DLG2: variants seen among roughly 807,000 people sequenced by gnomAD.
The protein encoded by DLG2 is discs large MAGUK scaffold protein 2.
DLG2 carries 45 observed loss-of-function variants against 132.5 expected under a neutral mutation model. That is an observed-to-expected ratio of 0.34 (90% CI 0.27 to 0.44). The LOEUF (loss-of-function observed/expected upper bound fraction) is 0.44, where lower values mean the gene tolerates loss of function less well. Ranked by LOEUF, DLG2 falls within the 20% of genes least tolerant of loss-of-function variation. The pLI is 1.00. For synonymous variants in DLG2, 424 were observed against 419.6 expected, an observed-to-expected ratio of 1.01 and a Z score of -0.13; for missense variants, 1,045 against 1,196.9, an observed-to-expected ratio of 0.87 and a Z score of 1.87.
Position 84,163,441 on chromosome 11 carries a change from T to A in DLG2, c.624+20A>T, listed in dbSNP as rs1306274616. 1 of 1,594,744 alleles carries A rather than the reference T, an allele frequency of 6.3e-7. No individual in the cohort carries two copies. The highest frequency in any genetic ancestry group is 1.4e-5 in the African/African-American group (1 of 73,760). ...GAAATGCAAGATTGGGGCTTTGGAT[T>A]TTTCAAAATTTTTTCTTACCCTCTC... On this transcript the variant is annotated intron_variant, in intron 9 of 27. Transcript: ENST00000376104.
intron 6 of DLG2, among the ~76,000 whole-genome samples, chr11:84,824,766 T>A (rs2078125759): frequency 1.3e-5 from 2 of 151,846 alleles, no homozygotes; most frequent in African/African-American, 2.4e-5. Flanking sequence ...ATAGGCAAAA[T>A]GTGTGGCTCA....
intron 7 of DLG2, among the ~76,000 whole-genome samples, chr11:84,455,737 G>A (rs2099063624): frequency 6.6e-6 from 1 of 151,294 alleles, no homozygotes; most frequent in African/African-American, 2.4e-5. Context: ...GCCGCTATTT[G>A]AAAATATATT....
intron 9 of DLG2, among the ~76,000 whole-genome samples, chr11:84,099,771 A>T (rs1290006769): frequency 6.8e-6 from 1 of 146,494 alleles, no homozygotes; most frequent in African/African-American, 2.5e-5. Flanking sequence ...ATATATATAC[A>T]TACATCGCTT....
intron 8 of DLG2, among the ~76,000 whole-genome samples, chr11:84,216,379 T>C (rs1174707949): frequency 6.6e-6 from 1 of 152,136 alleles, no homozygotes; most frequent in East Asian, 1.9e-4. Flanking sequence ...CATTATGTAA[T>C]ATAACCAAAG....
At chr11:83,555,855 C>G (rs1360610629) in intron 19 of DLG2, among the ~76,000 whole-genome samples, 1 of 152,196 alleles carries the variant, frequency 6.6e-6, no homozygotes, top group African/African-American at 2.4e-5. Context: ...CATGACATCT[C>G]TAAACCTGTT....
At chr11:83,726,817 T>A (rs1172521545) in intron 18 of DLG2, among the ~76,000 whole-genome samples, 1 of 152,130 alleles carries the variant, frequency 6.6e-6, no homozygotes, top group Non-Finnish European at 1.5e-5. Flanking sequence ...ATGAAGACTT[T>A]CCGTTTCTCT....
At chr11:84,922,950 A>G in intron 6 of DLG2, 1 of 1,182,246 alleles carries the variant, frequency 8.5e-7, no homozygotes, top group Admixed American at 2.0e-5. Flanking sequence ...AAGCCTTTGC[A>G]ACCACCTGTA....
intron 6 of DLG2, among the ~76,000 whole-genome samples, chr11:84,540,268 G>C (rs1384707899): frequency 2.0e-5 from 3 of 150,708 alleles, no homozygotes; most frequent in African/African-American, 7.3e-5. Flanking sequence ...TACAGAATGG[G>C]AGAAAATTTT....
chr11:83,925,549 C>T (rs1490221098), intron 15 of DLG2, among the ~76,000 whole-genome samples: 1 of 151,852 alleles, frequency 6.6e-6, no homozygotes, highest in African/African-American at 2.4e-5. Context: ...GTTTTTTTCA[C>T]CTTTGAATCC....
intron 18 of DLG2, among the ~76,000 whole-genome samples, chr11:83,724,476 T>TGTGAGACAGAGA (rs762050933): frequency 8.5e-6 from 1 of 118,154 alleles, no homozygotes; most frequent in Non-Finnish European, 1.8e-5. Flanking sequence ...TGTGTGTGTG[T>TGTGAGACAGAGA]GAGAGAGAGA....
At chr11:83,638,902 G>A (rs139879038) in intron 18 of DLG2, among the ~76,000 whole-genome samples, 31 of 152,300 alleles carry the variant, frequency 2.0e-4, no homozygotes, top group African/African-American at 7.2e-4. Flanking sequence ...CAAGGTCATA[G>A]GTGTGAACAC....
intron 4 of DLG2, among the ~76,000 whole-genome samples, chr11:85,264,546 T>C (rs2077105266): frequency 6.6e-6 from 1 of 152,170 alleles, no homozygotes; most frequent in Non-Finnish European, 1.5e-5. Context: ...AAATGGTTAA[T>C]ACTCAGTTTT....
chr11:84,106,897 TA>T (rs1162779162), intron 9 of DLG2, among the ~76,000 whole-genome samples: 1 of 136,450 alleles, frequency 7.3e-6, no homozygotes, highest in Non-Finnish European at 1.6e-5. Flanking sequence ...GTTTTAGCTT[TA>T]GGGGGTGTGT....
At chr11:84,888,672 CA>C (rs5793145) in intron 6 of DLG2, among the ~76,000 whole-genome samples, 284 of 149,544 alleles carry the variant, frequency 1.9e-3, no homozygotes, top group African/African-American at 5.6e-3. Context: ...GCATCTCAGG[CA>C]AAAAAAAAAA....
At chr11:85,367,965 C>G (rs1367166177) in intron 3 of DLG2, among the ~76,000 whole-genome samples, 1 of 152,014 alleles carries the variant, frequency 6.6e-6, no homozygotes, top group African/African-American at 2.4e-5. Flanking sequence ...TGAGATTAAT[C>G]TGTATTTTCT....
At chr11:85,573,442 T>C (rs1179902743) in intron 3 of DLG2, among the ~76,000 whole-genome samples, 1 of 152,154 alleles carries the variant, frequency 6.6e-6, no homozygotes, top group Non-Finnish European at 1.5e-5. Context: ...TCAAAAATAA[T>C]TCATGGTGAC....
chr11:83,695,412 G>T (rs982232238), intron 18 of DLG2, among the ~76,000 whole-genome samples: 2 of 152,200 alleles, frequency 1.3e-5, no homozygotes, highest in Non-Finnish European at 2.9e-5. Flanking sequence ...GAGAAATTAT[G>T]TGTGGGGAGG....
At chr11:85,381,717 C>T (rs531708116) in intron 3 of DLG2, among the ~76,000 whole-genome samples, 5 of 151,980 alleles carry the variant, frequency 3.3e-5, no homozygotes, top group Admixed American at 1.3e-4. Flanking sequence ...TAGCAATGAA[C>T]AGTCCAAAAA....
intron 3 of DLG2, among the ~76,000 whole-genome samples, chr11:85,383,508 C>T (rs537331769): frequency 2.0e-5 from 3 of 152,158 alleles, no homozygotes; most frequent in African/African-American, 7.2e-5. Context: ...AAAATAAGCC[C>T]AGCCCAACCA....
Sources: allele counts gnomAD v4.1 joint callset (sites outside exome capture counted in the v4.1 genomes callset), GRCh38; gene constraint gnomAD v4.1.1; transcripts MANE v1.5; gene names NCBI Gene and HGNC (gene_info 2026-07-23, HGNC 2026-07-21).